PRKCZ: variants seen among roughly 807,000 people sequenced by gnomAD.
PRKCZ encodes protein kinase C zeta.
Under a neutral mutation model 79.5 loss-of-function variants are expected in PRKCZ, and 33 were observed. The observed-to-expected ratio is 0.41, with a 90% CI of 0.31 to 0.55. The LOEUF (loss-of-function observed/expected upper bound fraction) is 0.55, where lower values mean the gene tolerates loss of function less well. Among genes scored for constraint, PRKCZ ranks in the 20% least tolerant of loss-of-function variants. The probability of loss-of-function intolerance (pLI) is 0.19; values close to 1 mark genes in which losing one functional copy is unlikely to be tolerated. For missense variants in PRKCZ, 578 were observed against 813.5 expected (o/e 0.71, Z 3.52); for synonymous variants, 342 against 320.9 (o/e 1.07, Z -0.70).
intron 4 of PRKCZ, among the ~76,000 whole-genome samples, chr1:2,112,098 G>T (rs563647727): frequency 6.6e-6 from 1 of 152,178 alleles, no homozygotes; most frequent in Non-Finnish European, 1.5e-5. Flanking sequence ...AGTGAAAATC[G>T]CTGCAGAATG....
At position 2,177,459 on chromosome 1, in the gene PRKCZ, G is replaced by A. The variant is rs1685707630; in HGVS notation, c.1575+2146G>A. Among the ~76,000 whole-genome samples the A allele has an allele frequency of 1.3e-5, 2 of 152,152 alleles. No individual in the cohort carries two copies. The highest frequency in any genetic ancestry group is 2.9e-5 in the Non-Finnish European group (2 of 68,014). Reference sequence around the variant, plus strand: ...CCTGGGTGCAGCCTTGGTGCCAGCCGGGCCCCTGATCTTGTCTCTCAACCA... The same window carrying A: ...CCTGGGTGCAGCCTTGGTGCCAGCCAGGCCCCTGATCTTGTCTCTCAACCA... On this transcript the variant is annotated intron_variant, in intron 16 of 17. Transcript: ENST00000378567. The surrounding 1 kb of genome is among the most constrained non-coding windows in gnomAD (Gnocchi z 6.4).
At chr1:2,176,992 T>C (rs1200965529) in intron 16 of PRKCZ, among the ~76,000 whole-genome samples, 1 of 152,354 alleles carries the variant, frequency 6.6e-6, no homozygotes, top group East Asian at 1.9e-4. Context: ...TCGCAAATTC[T>C]TCATTTAAAT....
chr1:2,169,429 C>A, intron 10 of PRKCZ, 89 bp from the exon 11 acceptor site: 2 of 1,154,538 alleles, frequency 1.7e-6, no homozygotes, highest in Non-Finnish European at 2.5e-6. Flanking sequence ...AGGGTTCGGG[C>A]CCACGAAGGC....
At position 2,056,482 on chromosome 1, in the gene PRKCZ, A is replaced by G. The variant is rs375312123; in HGVS notation, c.194-2A>G. On this transcript the variant is annotated splice_acceptor_variant, in intron 2 of 17. Transcript: ENST00000378567. LOFTEE classifies it high-confidence loss of function. ...GTCAGCACCGTCTCCTGCCCCACCCAGGTGACCCTTGCACGGTGTCCTCCC... is the reference window on the plus strand; with the variant it reads ...GTCAGCACCGTCTCCTGCCCCACCCGGGTGACCCTTGCACGGTGTCCTCCC... 5.0e-6 allele frequency: 8 copies of G among 1,612,876 alleles called. No homozygotes were observed. The highest frequency in any genetic ancestry group is 4.5e-5 in the East Asian group (2 of 44,830).
intron 10 of PRKCZ, among the ~76,000 whole-genome samples, chr1:2,167,292 A>G (rs894433895): frequency 6.6e-6 from 1 of 152,224 alleles, no homozygotes; most frequent in Non-Finnish European, 1.5e-5. Flanking sequence ...TAAGTGTTTA[A>G]ATGTCCCCCA....
chr1:2,093,000 C>T (rs9725379), intron 4 of PRKCZ, among the ~76,000 whole-genome samples: 4,045 of 152,300 alleles, frequency 0.027, 174 homozygotes, highest in East Asian at 0.13. Context: ...GTGTGGGGAC[C>T]GGGTGCCACC....
At chr1:2,152,648 A>AGGAG (rs1680128080) in intron 9 of PRKCZ, among the ~76,000 whole-genome samples, 1 of 152,196 alleles carries the variant, frequency 6.6e-6, no homozygotes, top group African/African-American at 2.4e-5. Context: ...TCACCCCAAA[A>AGGAG]GGAGACCCCA....
intron 16 of PRKCZ, 83 bp downstream of exon 16, chr1:2,175,396 A>G: frequency 1.1e-6 from 1 of 939,774 alleles, no homozygotes; most frequent in Non-Finnish European, 1.4e-6. Context: ...CCCCAACCCC[A>G]ATATTCACCC....
intron 4 of PRKCZ, chr1:2,074,613 G>A (rs1053076463): frequency 1.3e-5 from 6 of 446,740 alleles, no homozygotes; most frequent in South Asian, 2.9e-5. Context: ...CTGCCCTCCC[G>A]CCTGTCTGAG....
At chr1:2,101,091 G>C (rs1311362854) in intron 4 of PRKCZ, among the ~76,000 whole-genome samples, 1 of 151,238 alleles carries the variant, frequency 6.6e-6, no homozygotes, top group Non-Finnish European at 1.5e-5. Flanking sequence ...CGTCTCCTCT[G>C]GGACTGGCCC....
chr1:2,160,861 G>C (rs1682123297), intron 10 of PRKCZ, among the ~76,000 whole-genome samples: 1 of 152,144 alleles, frequency 6.6e-6, no homozygotes, highest in Admixed American at 6.5e-5. Flanking sequence ...CCCCGCCGGG[G>C]GTGATTGTGG....
chr1:2,059,601 G>A lies in PRKCZ; in HGVS notation c.334+10G>A, dbSNP rs1407276293. On this transcript the variant is annotated intron_variant, in intron 4 of 17. Coordinates refer to ENST00000378567, the MANE Select transcript of PRKCZ (RefSeq NM_002744.6). The stretch of plus-strand genomic sequence containing the variant: ...TGTCCGGGAGAAGACAGTGAGTACT[G>A]GGGTTTCCTACGCCGGTCTCGCATG... 1.9e-6 allele frequency: 3 copies of A among 1,614,056 alleles called. No homozygotes were observed. The Admixed American group carries it at 5.0e-5, about 27-fold the overall frequency.
chr1:2,068,410 C>T (rs1237344992), intron 4 of PRKCZ, among the ~76,000 whole-genome samples: 1 of 152,252 alleles, frequency 6.6e-6, no homozygotes, highest in African/African-American at 2.4e-5. Flanking sequence ...TCTGGGGCTG[C>T]TGTCAACTCT....
At chr1:2,109,769 C>T (rs540341152) in intron 4 of PRKCZ, among the ~76,000 whole-genome samples, 2 of 152,280 alleles carry the variant, frequency 1.3e-5, no homozygotes, top group Admixed American at 1.3e-4. Context: ...AGGTGAGGTC[C>T]AGGCCATGGG....
At chr1:2,137,784 T>G (rs1307656360) in intron 5 of PRKCZ, among the ~76,000 whole-genome samples, 3 of 152,054 alleles carry the variant, frequency 2.0e-5, no homozygotes, top group African/African-American at 7.2e-5. Flanking sequence ...CCACCACCAG[T>G]GAGCAAAAGC....
intron 4 of PRKCZ, among the ~76,000 whole-genome samples, chr1:2,103,988 C>T (rs1667934588): frequency 6.6e-6 from 1 of 152,220 alleles, no homozygotes; most frequent in Admixed American, 6.5e-5. Context: ...ACATTTGGCT[C>T]AGGTGTCCAC....
chr1:2,062,508 G>T (rs76520107), intron 4 of PRKCZ, among the ~76,000 whole-genome samples: 2,099 of 149,022 alleles, frequency 0.014, 60 homozygotes, highest in African/African-American at 0.047. Context: ...TTTGGCAGAG[G>T]GGGGACGGAG....
intron 9 of PRKCZ, among the ~76,000 whole-genome samples, chr1:2,155,017 C>T (rs1419225150): frequency 1.3e-5 from 2 of 152,186 alleles, no homozygotes; most frequent in African/African-American, 2.4e-5. Context: ...ACTGTTAGGG[C>T]AAAGCCTGGA....
At chr1:2,103,692 A>T (rs1667884359) in intron 4 of PRKCZ, among the ~76,000 whole-genome samples, 1 of 152,208 alleles carries the variant, frequency 6.6e-6, no homozygotes, top group African/African-American at 2.4e-5. Context: ...TGATTGCAAC[A>T]CTGCACTCTG....
Sources: allele counts gnomAD v4.1 joint callset (sites outside exome capture counted in the v4.1 genomes callset), GRCh38; gene constraint gnomAD v4.1.1; non-coding constraint Gnocchi (gnomAD v3.1); transcripts MANE v1.5; gene names NCBI Gene and HGNC (gene_info 2026-07-23, HGNC 2026-07-21).